The following TGFBR3L variants were observed in gnomAD, a reference collection of about 807,000 sequenced individuals.
TGFBR3L encodes transforming growth factor-beta receptor type 3-like protein.
In TGFBR3L, 21 loss-of-function variants were observed where a neutral mutation model predicts 20.4. The observed-to-expected ratio is 1.03, with a 90% confidence interval of 0.73 to 1.48. The LOEUF is 1.48. Among genes scored for constraint, TGFBR3L ranks in the 40% most tolerant of loss-of-function variants. The pLI, the probability that TGFBR3L is intolerant of heterozygous loss-of-function variation, is 0.00. For missense variants in TGFBR3L, 479 were observed against 498.0 expected, an observed-to-expected ratio of 0.96 and a Z score of 0.36; for synonymous variants, 245 against 244.2, an observed-to-expected ratio of 1.00 and a Z score of -0.03.
chr19:7,916,557 G>A lies in TGFBR3L; in HGVS notation c.276+14G>A. 6.9e-7 allele frequency: 1 copy of A among 1,455,722 alleles called. No homozygotes were observed. Among genetic ancestry groups the A allele is most frequent in the South Asian group, 1.4e-5 (1 of 71,038 alleles). The allele number at this position is 1,455,722 out of a possible 1,614,324, so 90.2% of individuals were successfully genotyped here. A position where few individuals can be genotyped will look rare whatever the true frequency, so the allele number is the denominator to read the frequency against. ...GTGTTCGTGCAGGTGGGGACCCCGG[G>A]GACACCAGGGGCGGATGGGGGCCGG... On this transcript the variant is annotated intron_variant, in intron 1 of 5. Coordinates refer to ENST00000565886, the MANE Select transcript of TGFBR3L (RefSeq NM_001195259.2).
chr19:7,916,223 AG>A lies in TGFBR3L; in HGVS notation c.-40del, dbSNP rs747666311. The A allele has an allele frequency of 2.0e-5, 31 of 1,515,806 alleles. No individual in the cohort carries two copies. The highest frequency in any genetic ancestry group is 4.4e-6 in the Non-Finnish European group (5 of 1,135,650). 93.9% of individuals were successfully genotyped at this position (1,515,806 alleles called of 1,614,324 possible). Reference sequence around the variant, plus strand: ...GGCTGTGCGAGTCCCAGGGGTCGCCAGGGGGCACATCACCGTCAGGGGGGAA... The same window carrying A: ...GGCTGTGCGAGTCCCAGGGGTCGCCAGGGGCACATCACCGTCAGGGGGGAA... On this transcript the variant is annotated 5_prime_UTR_variant, in exon 1 of 6. Coordinates refer to ENST00000565886, the MANE Select transcript of TGFBR3L (RefSeq NM_001195259.2).
intron 5 of TGFBR3L, 36 bp downstream of exon 6, chr19:7,918,165 G>A (rs1469705456): frequency 3.3e-6 from 5 of 1,528,188 alleles, no homozygotes; most frequent in Non-Finnish European, 4.4e-6. Flanking sequence ...GGTGAGGTAG[G>A]AGATCTGACA....
At position 7,914,844 on chromosome 19, in the gene TGFBR3L, C is replaced by T. The variant is rs1474948602; in HGVS notation, c.-1424C>T. ...GCTCTGGCCCCAAACACTCCGACCT[C>T]AGCTGGTCCAGCATGCTGGGCACCG... is the stretch of plus-strand genomic sequence containing the variant. On this transcript the variant is annotated 5_prime_UTR_variant, in exon 1 of 6. Transcript: ENST00000565886. 4.6e-5 allele frequency among the ~76,000 whole-genome samples: 7 copies of T among 152,236 alleles called. No homozygotes were observed. Among genetic ancestry groups the T allele is most frequent in the Non-Finnish European group, 7.3e-5 (5 of 68,038 alleles).
At position 7,917,827 on chromosome 19, in the gene TGFBR3L, C is replaced by G; in HGVS notation, c.851C>G (p.Ala284Gly). The change falls in exon 4 of 6, where the codon GCC (alanine) becomes GGC (glycine). Residue 284 changes from alanine to glycine, a missense_variant. Coordinates refer to ENST00000565886, the MANE Select transcript of TGFBR3L (RefSeq NM_001195259.2). ...GCCTTCGTGCTGGGCGCCGCGCTGGCCGCCGGGCTGGGTCTCGTCTGTGCG... is the reference window on the plus strand; with the variant it reads ...GCCTTCGTGCTGGGCGCCGCGCTGGGCGCCGGGCTGGGTCTCGTCTGTGCG... 3 of 1,387,006 alleles carry G rather than the reference C, an allele frequency of 2.2e-6. No homozygotes were observed. The highest frequency in any genetic ancestry group is 1.6e-5 in the South Asian group (1 of 62,020). 85.9% of individuals were successfully genotyped at this position (1,387,006 alleles called of 1,614,324 possible).
intron 5 of TGFBR3L, chr19:7,918,524 C>T: frequency 3.5e-6 from 1 of 289,484 alleles, no homozygotes. Context: ...GCGTGAGCCA[C>T]TGCGCCCAGC....
Position 7,916,780 on chromosome 19 carries a change from C to T in TGFBR3L, c.435C>T (p.Ser145=). The change falls in exon 2 of 6, where the codon AGC becomes AGT. Residue 145 remains serine (S), a synonymous_variant. Transcript: ENST00000565886. The stretch of plus-strand genomic sequence containing the variant: ...CCTTCCCGCCACCGCCGCCGCCGAG[C>T]CCGGGTGCCGCCCGCCCCGCGCGTT... 1 of 1,489,024 alleles carries T rather than the reference C, an allele frequency of 6.7e-7. No homozygotes were observed. The highest frequency in any genetic ancestry group is 8.9e-7 in the Non-Finnish European group (1 of 1,125,314). 92.2% of individuals were successfully genotyped at this position (1,489,024 alleles called of 1,614,324 possible). A position where few individuals can be genotyped will look rare whatever the true frequency, so the allele number is the denominator to read the frequency against.
chr19:7,914,946 C>T lies in TGFBR3L; in HGVS notation c.-1322C>T, dbSNP rs1037839506. Among the ~76,000 whole-genome samples the T allele has an allele frequency of 7.9e-5, 12 of 152,142 alleles. No homozygotes were observed. The highest frequency in any genetic ancestry group is 3.9e-4 in the East Asian group (2 of 5,194). ...CTGGTATGTATGGGCAGGGAGGTGA[C>T]GGGTCTGTCATGCTTCTATCCCTGT... On this transcript the variant is annotated 5_prime_UTR_variant, in exon 1 of 6. Transcript: ENST00000565886.
intron 2 of TGFBR3L, chr19:7,917,191 A>G (rs757718623): frequency 9.6e-5 from 73 of 756,528 alleles, no homozygotes; most frequent in Non-Finnish European, 1.3e-4. Flanking sequence ...AAGGGGACAC[A>G]TTTCTGGGAA....
Position 7,916,127 on chromosome 19 carries a change from C to T in TGFBR3L, c.-141C>T, listed in dbSNP as rs1248185372. ...GTGCTCCTCACCGCTTCTCTTCCGCCCCAGGGAGGGCTTCGCCAGCTTCGG... is the reference window on the plus strand; with the variant it reads ...GTGCTCCTCACCGCTTCTCTTCCGCTCCAGGGAGGGCTTCGCCAGCTTCGG... On this transcript the variant is annotated 5_prime_UTR_variant, in exon 1 of 6. Transcript: ENST00000565886. 5 of 1,428,606 alleles carry T rather than the reference C, an allele frequency of 3.5e-6. No individual in the cohort carries two copies. Among genetic ancestry groups the T allele is most frequent in the Non-Finnish European group, 4.6e-6 (5 of 1,094,046 alleles). The allele number at this position is 1,428,606 out of a possible 1,614,324, so 88.5% of individuals were successfully genotyped here.
chr19:7,917,540 G>A lies in TGFBR3L; in HGVS notation c.665G>A (p.Gly222Asp). 2 of 1,521,600 alleles carry A rather than the reference G, an allele frequency of 1.3e-6. No individual in the cohort carries two copies. Among genetic ancestry groups the A allele is most frequent in the East Asian group, 2.6e-5 (1 of 38,550 alleles). The allele number at this position is 1,521,600 out of a possible 1,614,324, so 94.3% of individuals were successfully genotyped here. Residue 222 changes from glycine (G) to aspartate (D), a missense_variant, in exon 3 of 6, where the codon GGC (glycine) becomes GAC (aspartate). Physicochemically the swap from Gly to Asp is moderately conservative, Grantham distance 94 (BLOSUM62 -1). Coordinates refer to ENST00000565886, the MANE Select transcript of TGFBR3L (RefSeq NM_001195259.2). ...AGCGCCGAGGGCCTGGCTGCTGACG[G>A]CCCCCACCTGCACACGCTGACGCAG...
In TGFBR3L at chr19:7,916,132, G is replaced by C. The variant is rs960677860; in HGVS notation, c.-136G>C. ...CCTCACCGCTTCTCTTCCGCCCCAG[G>C]GAGGGCTTCGCCAGCTTCGGAGGCT... is the stretch of plus-strand genomic sequence containing the variant. On this transcript the variant is annotated 5_prime_UTR_variant, in exon 1 of 6. Transcript: ENST00000565886. 7.0e-7 allele frequency: 1 copy of C among 1,430,550 alleles called. No homozygotes were observed. Among genetic ancestry groups the C allele is most frequent in the Non-Finnish European group, 9.1e-7 (1 of 1,095,656 alleles). 88.6% of individuals were successfully genotyped at this position (1,430,550 alleles called of 1,614,324 possible). A position where few individuals can be genotyped will look rare whatever the true frequency, so the allele number is the denominator to read the frequency against.
chr19:7,917,855 C>T lies in TGFBR3L; in HGVS notation c.879C>T (p.His293=). The change falls in exon 4 of 6, where the codon CAC becomes CAT. Residue 293 remains histidine, a synonymous_variant. Transcript: ENST00000565886. Reference sequence around the variant, plus strand: ...CCGGGCTGGGTCTCGTCTGTGCGCACTCAGGTACCGACGACCTCCGCCAAG... The same window carrying T: ...CCGGGCTGGGTCTCGTCTGTGCGCATTCAGGTACCGACGACCTCCGCCAAG... The T allele has an allele frequency of 7.3e-7, 1 of 1,372,992 alleles. No individual in the cohort carries two copies. The allele number at this position is 1,372,992 out of a possible 1,614,324, so 85.1% of individuals were successfully genotyped here.
chr19:7,919,087 T>C lies in TGFBR3L; in HGVS notation c.*176T>C, dbSNP rs962570602. On this transcript the variant is annotated 3_prime_UTR_variant, in exon 6 of 6. Transcript: ENST00000565886. ...CTGTGCTCAAAATAAACCTCTGGAC[T>C]GACCGGCTAAGTTCTGGTGCAGTCA... The C allele has an allele frequency of 1.0e-5, 4 of 398,724 alleles. No homozygotes were observed. Among genetic ancestry groups the C allele is most frequent in the Non-Finnish European group, 1.8e-5 (4 of 226,206 alleles). The allele number at this position is 398,724 out of a possible 1,614,324, so 24.7% of individuals were successfully genotyped here. A position where few individuals can be genotyped will look rare whatever the true frequency, so the allele number is the denominator to read the frequency against.
chr19:7,915,311 G>A lies in TGFBR3L; in HGVS notation c.-957G>A, dbSNP rs968400136. ...TCTTTCAACTAGACCTTTGGTGGTG[G>A]TCCTCATGGGGGTGGGGACAGGGCA... On this transcript the variant is annotated 5_prime_UTR_variant, in exon 1 of 6. Transcript: ENST00000565886. 6.6e-6 allele frequency among the ~76,000 whole-genome samples: 1 copy of A among 151,920 alleles called. No individual in the cohort carries two copies. Among genetic ancestry groups the A allele is most frequent in the Non-Finnish European group, 1.5e-5 (1 of 67,990 alleles).
At chr19:7,918,410 A>AT (rs1983423024) in intron 5 of TGFBR3L, among the ~76,000 whole-genome samples, 1 of 151,702 alleles carries the variant, frequency 6.6e-6, no homozygotes, top group Non-Finnish European at 1.5e-5. Context: ...CTAATTTTGT[A>AT]TTTTTAGTAG....
At position 7,916,042 on chromosome 19, in the gene TGFBR3L, A is replaced by T. The variant is rs1983268603; in HGVS notation, c.-226A>T. The T allele has an allele frequency of 1.3e-6, 1 of 772,110 alleles. No homozygotes were observed. The highest frequency in any genetic ancestry group is 2.0e-5 in the South Asian group (1 of 49,256). The allele number at this position is 772,110 out of a possible 1,614,324, so 47.8% of individuals were successfully genotyped here. A position where few individuals can be genotyped will look rare whatever the true frequency, so the allele number is the denominator to read the frequency against. On this transcript the variant is annotated 5_prime_UTR_variant, in exon 1 of 6. Transcript: ENST00000565886. ...AGCCGCCTGTCCTGCTGCGTCCCCA[A>T]GAGCAGCCCTGGGGAAGGTGGGGGA...
In TGFBR3L at chr19:7,916,041, A is replaced by G. The variant is rs1025913087; in HGVS notation, c.-227A>G. On this transcript the variant is annotated 5_prime_UTR_variant, in exon 1 of 6. Transcript: ENST00000565886. ...GAGCCGCCTGTCCTGCTGCGTCCCC[A>G]AGAGCAGCCCTGGGGAAGGTGGGGG... 2 of 771,966 alleles carry G rather than the reference A, an allele frequency of 2.6e-6. No homozygotes were observed. The highest frequency in any genetic ancestry group is 1.8e-5 in the African/African-American group (1 of 56,066). The allele number at this position is 771,966 out of a possible 1,614,324, so 47.8% of individuals were successfully genotyped here.
In TGFBR3L at chr19:7,916,744, C is replaced by A. The variant is rs765661160; in HGVS notation, c.399C>A (p.Asp133Glu). ...TGCTGCGTGAGGGCTGCCCCGCCGA[C>A]ACCTCTGTCGCCTTCCCGCCACCGC... Residue 133 changes from aspartate (D) to glutamate (E), a missense_variant, in exon 2 of 6, where the codon GAC becomes GAA. Coordinates refer to ENST00000565886, the MANE Select transcript of TGFBR3L (RefSeq NM_001195259.2). The A allele has an allele frequency of 6.7e-7, 1 of 1,491,666 alleles. No individual in the cohort carries two copies. Among genetic ancestry groups the A allele is most frequent in the East Asian group, 2.8e-5 (1 of 36,118 alleles). 92.4% of individuals were successfully genotyped at this position (1,491,666 alleles called of 1,614,324 possible).
At position 7,917,566 on chromosome 19, in the gene TGFBR3L, C is replaced by T. The variant is rs1983367403; in HGVS notation, c.691C>T (p.Pro231Ser). The change falls in exon 3 of 6, where the codon CCT becomes TCT. Residue 231 changes from proline to serine, a missense_variant. Physicochemically the swap from Pro to Ser is moderately conservative, Grantham distance 74. Transcript: ENST00000565886. ...CCCCCACCTGCACACGCTGACGCAG[C>T]CTATCGTGGTCACCGTGCCGCGGCC... 5 of 1,507,048 alleles carry T rather than the reference C, an allele frequency of 3.3e-6. No individual in the cohort carries two copies. Among genetic ancestry groups the T allele is most frequent in the Admixed American group, 2.1e-5 (1 of 47,264 alleles). The allele number at this position is 1,507,048 out of a possible 1,614,324, so 93.4% of individuals were successfully genotyped here.
Sources: gnomAD v4.1 joint callset for allele counts (sites outside exome capture counted in the v4.1 genomes callset) on GRCh38, gnomAD v4.1.1 for gene constraint, MANE v1.5 for transcripts, NCBI Gene and HGNC (gene_info 2026-07-23, HGNC 2026-07-21) for gene names.